The following GLIS3 variants were observed in gnomAD, a reference collection of about 807,000 sequenced individuals.
The protein encoded by GLIS3 is GLIS family zinc finger 3, also known as zinc finger protein GLIS3.
In GLIS3, 53 loss-of-function variants were observed where a neutral mutation model predicts 78.6. That is an observed-to-expected ratio of 0.67 (90% CI 0.54 to 0.85). The LOEUF is 0.85. Among genes scored for constraint, GLIS3 ranks in the 40% least tolerant of loss-of-function variants. The pLI is 0.00. For missense variants in GLIS3, 1,703 were observed against 1,231.1 expected, an observed-to-expected ratio of 1.38 and a Z score of -5.74; for synonymous variants, 684 against 509.9, an observed-to-expected ratio of 1.34 and a Z score of -4.60.
intron 2 of GLIS3, among the ~76,000 whole-genome samples, chr9:4,207,450 C>G (rs141367705): frequency 5.9e-4 from 90 of 152,224 alleles, no homozygotes; most frequent in Non-Finnish European, 9.3e-4. Context: ...TTTCATTATG[C>G]CTTTACCTCA....
chr9:3,911,946 A>C (rs1320314310), intron 6 of GLIS3, among the ~76,000 whole-genome samples: 1 of 152,112 alleles, frequency 6.6e-6, no homozygotes, highest in Non-Finnish European at 1.5e-5. Flanking sequence ...CTCTTTATCA[A>C]CTTTTTCCTT....
At chr9:4,450,920 G>C in the GLIS3 span, among the ~76,000 whole-genome samples, 1 of 152,156 alleles carries the variant, frequency 6.6e-6, no homozygotes, top group Admixed American at 6.6e-5. Flanking sequence ...GACCATCAAT[G>C]CTAGAAAGAA....
intron 2 of GLIS3, among the ~76,000 whole-genome samples, chr9:4,171,516 G>A (rs1816372219): frequency 6.6e-6 from 1 of 152,190 alleles, no homozygotes; most frequent in East Asian, 1.9e-4. Context: ...TTGAAAATCA[G>A]ATGCAGACTT....
intron 2 of GLIS3, among the ~76,000 whole-genome samples, chr9:4,137,408 T>G (rs1833479331): frequency 6.6e-6 from 1 of 152,238 alleles, no homozygotes; most frequent in African/African-American, 2.4e-5. Flanking sequence ...TCAGGAATGC[T>G]GTCCACCAAG....
chr9:4,426,478 C>T, the GLIS3 span, among the ~76,000 whole-genome samples: 2 of 152,304 alleles, frequency 1.3e-5, no homozygotes, highest in East Asian at 1.9e-4. Flanking sequence ...AGGCAATTTC[C>T]TACTCCTAGG....
At chr9:4,141,429 A>G (rs369864866) in intron 2 of GLIS3, among the ~76,000 whole-genome samples, 17 of 152,336 alleles carry the variant, frequency 1.1e-4, no homozygotes, top group African/African-American at 4.1e-4. Flanking sequence ...CCTAGAGGCT[A>G]TGTGGGGCTT....
At chr9:4,323,956 C>T (rs924966100) in intron 2 of GLIS3, among the ~76,000 whole-genome samples, 3 of 152,134 alleles carry the variant, frequency 2.0e-5, no homozygotes, top group Non-Finnish European at 2.9e-5. Flanking sequence ...TTAGCACCAT[C>T]GTCATTCTTT....
At chr9:4,151,365 C>G (rs1266662857) in intron 2 of GLIS3, among the ~76,000 whole-genome samples, 1 of 152,158 alleles carries the variant, frequency 6.6e-6, no homozygotes, top group Non-Finnish European at 1.5e-5. Flanking sequence ...TTAGCAGAAA[C>G]ACAGCTAAAC....
intron 5 of GLIS3, among the ~76,000 whole-genome samples, chr9:3,935,120 T>G (rs1204954254): frequency 6.6e-6 from 1 of 152,174 alleles, no homozygotes; most frequent in Non-Finnish European, 1.5e-5. Context: ...CTGACAGTAT[T>G]ATAGTATAAG....
At chr9:4,478,403 G>C in the GLIS3 span, among the ~76,000 whole-genome samples, 1 of 152,124 alleles carries the variant, frequency 6.6e-6, no homozygotes, top group Non-Finnish European at 1.5e-5. Flanking sequence ...TTGAGGTCAG[G>C]AGTTTGAAAC....
intron 4 of GLIS3, among the ~76,000 whole-genome samples, chr9:4,021,161 G>A (rs1473790675): frequency 1.1e-5 from 1 of 94,972 alleles, no homozygotes; most frequent in South Asian, 3.3e-4. Context: ...ATCTGTACAT[G>A]TATATGTATA....
chr9:4,126,823 C>G (rs1832616725), intron 2 of GLIS3, among the ~76,000 whole-genome samples: 1 of 152,188 alleles, frequency 6.6e-6, no homozygotes, highest in Non-Finnish European at 1.5e-5. Context: ...TAACTATACA[C>G]TCTGTTCCCA....
chr9:3,832,559 T>C (rs923814159), intron 9 of GLIS3, among the ~76,000 whole-genome samples: 2 of 152,166 alleles, frequency 1.3e-5, no homozygotes, highest in Non-Finnish European at 2.9e-5. Context: ...GTCTGAGTGG[T>C]TTGAGGGAAC....
intron 4 of GLIS3, among the ~76,000 whole-genome samples, chr9:4,086,484 A>G (rs73392543): frequency 0.015 from 2,346 of 152,350 alleles, 57 homozygotes; most frequent in African/African-American, 0.051. Context: ...CACCTGGCAC[A>G]TATGCAGAAT....
At chr9:4,333,044 AGAACAACCTTAT>A (rs1817708189) in intron 2 of GLIS3, among the ~76,000 whole-genome samples, 1 of 152,224 alleles carries the variant, frequency 6.6e-6, no homozygotes, top group South Asian at 2.1e-4. Flanking sequence ...TTCAATCTTC[AGAACAACCTTAT>A]GAGACAGGTA....
chr9:4,454,440 C>T, the GLIS3 span, among the ~76,000 whole-genome samples: 1 of 152,110 alleles, frequency 6.6e-6, no homozygotes, highest in Admixed American at 6.6e-5. Context: ...AAAAATAAAG[C>T]CTATAAAGGT....
the GLIS3 span, among the ~76,000 whole-genome samples, chr9:4,449,284 C>T: frequency 6.6e-6 from 1 of 152,196 alleles, no homozygotes; most frequent in Non-Finnish European, 1.5e-5. Flanking sequence ...TCTGCCATTG[C>T]TGAGGCTTGA....
chr9:3,921,565 T>C (rs1024417518), intron 6 of GLIS3, among the ~76,000 whole-genome samples: 6 of 152,138 alleles, frequency 3.9e-5, no homozygotes, highest in African/African-American at 1.4e-4. Context: ...GAATAATGAG[T>C]TGGCCTTTGT....
intron 10 of GLIS3, among the ~76,000 whole-genome samples, chr9:3,828,690 G>C (rs1054218709): frequency 6.6e-6 from 1 of 152,194 alleles, no homozygotes; most frequent in Non-Finnish European, 1.5e-5. Context: ...AAAAGGAGCT[G>C]GTGTTAAGGT....
Sources: gnomAD v4.1 joint callset for allele counts (sites outside exome capture counted in the v4.1 genomes callset) on GRCh38, gnomAD v4.1.1 for gene constraint, MANE v1.5 for transcripts, NCBI Gene and HGNC (gene_info 2026-07-23, HGNC 2026-07-21) for gene names.